The following ID3 variants were observed in gnomAD, a reference collection of about 807,000 sequenced individuals.
ID3 encodes the protein DNA-binding protein inhibitor ID-3.
Under a neutral mutation model 9.6 loss-of-function variants are expected in ID3, and 4 were observed. The observed-to-expected ratio is 0.42, with a 90% CI of 0.21 to 0.96. ID3 has a LOEUF of 0.96. Ranked by LOEUF, ID3 falls within the 40% of genes least tolerant of loss-of-function variation. The probability of loss-of-function intolerance (pLI) is 0.30; values close to 1 mark genes in which losing one functional copy is unlikely to be tolerated. For missense variants in ID3, 191 were observed against 164.5 expected (o/e 1.16, Z -0.88); for synonymous variants, 108 against 75.2 (o/e 1.44, Z -2.26).
At position 23,559,314 on chromosome 1, in the gene ID3, A is replaced by G. The variant is rs1169132742; in HGVS notation, c.113T>C (p.Leu38Pro). The G allele has an allele frequency of 6.2e-7, 1 of 1,613,812 alleles. No homozygotes were observed. Among genetic ancestry groups the G allele is most frequent in the East Asian group, 2.2e-5 (1 of 44,876 alleles). Residue 38 changes from leucine (L) to proline (P), a missense_variant, in exon 1 of 3, where the codon CTG becomes CCG. By Grantham distance (98) the Leu-to-Pro change is moderately conservative. Transcript: ENST00000374561. ...RGKGPAAEEP[L>P]SLLDDMNHCY... The stretch of plus-strand genomic sequence containing the variant: ...GTGGTTCATGTCGTCCAGCAAGCTC[A>G]GCGGCTCCTCAGCTGCCGGGCCCTT...
chr1:23,558,599 A>T (rs1643677842), intron 2 of ID3, 184 bp from the exon 3 acceptor site: 1 of 210,974 alleles, frequency 4.7e-6, no homozygotes, highest in African/African-American at 2.3e-5. Flanking sequence ...AGCTTGCGCT[A>T]CCCCTCCTAC....
intron 2 of ID3, 61 bp from the exon 3 acceptor site, chr1:23,558,476 G>C (rs1225853866): frequency 6.4e-6 from 1 of 155,198 alleles, no homozygotes; most frequent in Non-Finnish European, 1.4e-5. Context: ...TGCCGAGGCG[G>C]GGGCCGTCCG....
At position 23,558,016 on chromosome 1, in the gene ID3, C is replaced by A. The variant is rs779149325; in HGVS notation, c.*425G>T. The A allele has an allele frequency of 6.6e-6, 1 of 152,620 alleles. No individual in the cohort carries two copies. The highest frequency in any genetic ancestry group is 1.5e-5 in the Non-Finnish European group (1 of 68,036). 9.5% of individuals were successfully genotyped at this position (152,620 alleles called of 1,614,324 possible). On this transcript the variant is annotated 3_prime_UTR_variant, in exon 3 of 3. Transcript: ENST00000374561. ...TCGCATTGTTACAGAAAGTCACCTTCCTGTAAAAAAGGTACAAAACCTATA... is the reference window on the plus strand; with the variant it reads ...TCGCATTGTTACAGAAAGTCACCTTACTGTAAAAAAGGTACAAAACCTATA...
rs1643687097 is a variant in ID3, at chr1:23,559,184, C to G, written c.243G>C (p.Gln81His). Residue 81 changes from glutamine (Q) to histidine (H), a missense_variant, in exon 1 of 3, where the codon CAG becomes CAC. Coordinates refer to ENST00000374561, the MANE Select transcript of ID3 (RefSeq NM_002167.5). ...QRVIDYILDL[Q>H]VVLAEPAPGP... ...CAGGGGCTGGCTCGGCCAGGACTAC[C>G]TGCAGGTCGAGAATGTAGTCGATGA... 2.5e-6 allele frequency: 4 copies of G among 1,614,102 alleles called. No individual in the cohort carries two copies. The highest frequency in any genetic ancestry group is 1.3e-5 in the African/African-American group (1 of 74,940).
At chr1:23,558,464 CGT>C (rs1643675596) in intron 2 of ID3, 49 bp from the exon 3 acceptor site, 1 of 154,628 alleles carries the variant, frequency 6.5e-6, no homozygotes, top group African/African-American at 2.4e-5. Flanking sequence ...TTCCGCCGAG[CGT>C]GCCGAGGCGG....
At chr1:23,559,097 G>GT in intron 1 of ID3, 30 bp downstream of exon 1, 1 of 1,613,022 alleles carries the variant, frequency 6.2e-7, no homozygotes, top group Non-Finnish European at 8.5e-7. Flanking sequence ...TTGCCTGGGT[G>GT]TTCAGCCCTG....
chr1:23,558,657 T>A, intron 2 of ID3: 1 of 402,412 alleles, frequency 2.5e-6, no homozygotes, highest in Non-Finnish European at 4.6e-6. Flanking sequence ...CAGCTCCCTA[T>A]ACAACATGGA....
At position 23,557,956 on chromosome 1, in the gene ID3, C is replaced by T. The variant is rs1437538598; in HGVS notation, c.*485G>A. On this transcript the variant is annotated 3_prime_UTR_variant, in exon 3 of 3. Transcript: ENST00000374561. ...AAGTGTTTAAAAATCGTTTATTATG[C>T]AAAATGTTAACTTTTATAAAAAGTT... 6.6e-6 allele frequency: 1 copy of T among 152,544 alleles called. No homozygotes were observed. The highest frequency in any genetic ancestry group is 2.4e-5 in the African/African-American group (1 of 41,416). The allele number at this position is 152,544 out of a possible 1,614,324, so 9.4% of individuals were successfully genotyped here. A position where few individuals can be genotyped will look rare whatever the true frequency, so the allele number is the denominator to read the frequency against.
chr1:23,558,655 T>A (rs1570498325), intron 2 of ID3: 1 of 391,850 alleles, frequency 2.6e-6, no homozygotes, highest in East Asian at 4.9e-5. Context: ...GACAGCTCCC[T>A]ATACAACATG....
chr1:23,559,191 T>A lies in ID3; in HGVS notation c.236A>T (p.Asp79Val), dbSNP rs2124330066. The stretch of plus-strand genomic sequence containing the variant: ...TGGCTCGGCCAGGACTACCTGCAGG[T>A]CGAGAATGTAGTCGATGACGCGCTG... Reference protein sequence around the residue: ...ILQRVIDYILDLQVVLAEPAP... With the variant: ...ILQRVIDYILVLQVVLAEPAP... Residue 79 changes from aspartate to valine, a missense_variant, in exon 1 of 3, where the codon GAC becomes GTC. Coordinates refer to ENST00000374561, the MANE Select transcript of ID3 (RefSeq NM_002167.5). 6.2e-7 allele frequency: 1 copy of A among 1,614,078 alleles called. No homozygotes were observed. Among genetic ancestry groups the A allele is most frequent in the South Asian group, 1.1e-5 (1 of 91,080 alleles).
In ID3 at chr1:23,559,332, G is replaced by C. The variant is rs770447481; in HGVS notation, c.95C>G (p.Pro32Arg). 4 of 1,613,566 alleles carry C rather than the reference G, an allele frequency of 2.5e-6. No homozygotes were observed. The highest frequency in any genetic ancestry group is 4.5e-5 in the East Asian group (2 of 44,878). The change falls in exon 1 of 3, where the codon CCG (proline) becomes CGG (arginine). Residue 32 changes from proline (P) to arginine (R), a missense_variant. Transcript: ENST00000374561. The part of the protein sequence containing the change: ...LAIARGRGKG[P>R]AAEEPLSLLD... Reference sequence around the variant, plus strand: ...CAAGCTCAGCGGCTCCTCAGCTGCCGGGCCCTTCCCTCGGCCCCGGGCGAT... The same window carrying C: ...CAAGCTCAGCGGCTCCTCAGCTGCCCGGCCCTTCCCTCGGCCCCGGGCGAT...
rs201168120 is a variant in ID3 at position 23,559,150 on chromosome 1, C to G, written c.277G>C (p.Asp93His). 9 of 1,614,032 alleles carry G rather than the reference C, an allele frequency of 5.6e-6. No homozygotes were observed. The highest frequency in any genetic ancestry group is 2.2e-5 in the East Asian group (1 of 44,896). Residue 93 changes from aspartate (D) to histidine (H), a missense_variant, in exon 1 of 3, where the codon GAT becomes CAT. By Grantham distance (81) the Asp-to-His change is moderately conservative. Transcript: ENST00000374561. Reference sequence around the variant, plus strand: ...ACCTGGATGGGAAGGTGGGGGCCATCAGGGGGTCCAGGGGCTGGCTCGGCC... The same window carrying G: ...ACCTGGATGGGAAGGTGGGGGCCATGAGGGGGTCCAGGGGCTGGCTCGGCC... Reference protein sequence around the residue: ...VLAEPAPGPPDGPHLPIQTAE... With the variant: ...VLAEPAPGPPHGPHLPIQTAE...
rs752317409 is a variant in ID3 at position 23,558,957 on chromosome 1, G to A, written c.*3C>T. 5 of 1,613,366 alleles carry A rather than the reference G, an allele frequency of 3.1e-6. No individual in the cohort carries two copies. Among genetic ancestry groups the A allele is most frequent in the Middle Eastern group, 1.6e-4 (1 of 6,082 alleles). On this transcript the variant is annotated 3_prime_UTR_variant, in exon 2 of 3. Transcript: ENST00000374561. ...CACCTGGAGGTGTCAGGACACGGCCGAGTCAGTGGCAAAAGCTCCTTTTGT... is the reference window on the plus strand; with the variant it reads ...CACCTGGAGGTGTCAGGACACGGCCAAGTCAGTGGCAAAAGCTCCTTTTGT...
Position 23,559,486 on chromosome 1 carries a change from C to CT in ID3, c.-61_-60insA. ...AAGAAAACCAAAAGAAGTCCCGCTA[C>CT]AGTGACCTGCAACGCGCGCACGCTC... On this transcript the variant is annotated 5_prime_UTR_variant, in exon 1 of 3. Transcript: ENST00000374561. The CT allele has an allele frequency of 6.5e-7, 1 of 1,539,914 alleles. No individual in the cohort carries two copies. The highest frequency in any genetic ancestry group is 8.8e-7 in the Non-Finnish European group (1 of 1,141,438).
rs777214087 is a variant in ID3, at chr1:23,559,389, G to T, written c.38C>A (p.Ala13Glu). The change falls in exon 1 of 3, where the codon GCG becomes GAG. Residue 13 changes from alanine to glutamate, a missense_variant. Coordinates refer to ENST00000374561, the MANE Select transcript of ID3 (RefSeq NM_002167.5). Reference protein sequence around the residue: ...ALSPVRGCYEAVCCLSERSLA... With the variant: ...ALSPVRGCYEEVCCLSERSLA... ...ACTGCGTTCCGACAGGCAGCACACCGCCTCGTAGCAGCCGCGCACCGGGCT... is the reference window on the plus strand; with the variant it reads ...ACTGCGTTCCGACAGGCAGCACACCTCCTCGTAGCAGCCGCGCACCGGGCT... 1 of 1,612,694 alleles carries T rather than the reference G, an allele frequency of 6.2e-7. No homozygotes were observed. The highest frequency in any genetic ancestry group is 8.5e-7 in the Non-Finnish European group (1 of 1,179,710).
In ID3 at chr1:23,559,451, C is replaced by T. The variant is rs1411199206; in HGVS notation, c.-25G>A. The T allele has an allele frequency of 5.0e-6, 8 of 1,594,572 alleles. No individual in the cohort carries two copies. The highest frequency in any genetic ancestry group is 6.8e-6 in the Non-Finnish European group (8 of 1,169,478). Reference sequence around the variant, plus strand: ...TGCTGGGGAGTGAGTCCAGAGGTGCCCCAAAGAGAAAGAAAACCAAAAGAA... The same window carrying T: ...TGCTGGGGAGTGAGTCCAGAGGTGCTCCAAAGAGAAAGAAAACCAAAAGAA... On this transcript the variant is annotated 5_prime_UTR_variant, in exon 1 of 3. Transcript: ENST00000374561.
In ID3 at chr1:23,559,281, G is replaced by T. The variant is rs374890938; in HGVS notation, c.146C>A (p.Ser49Tyr). 4.3e-6 allele frequency: 7 copies of T among 1,613,980 alleles called. No individual in the cohort carries two copies. The highest frequency in any genetic ancestry group is 5.9e-6 in the Non-Finnish European group (7 of 1,180,036). ...SLLDDMNHCY[S>Y]RLRELVPGVP... ...TCCGGGTACCAGTTCCCGCAGGCGG[G>T]AGTAGCAGTGGTTCATGTCGTCCAG... Residue 49 changes from serine (S) to tyrosine (Y), a missense_variant, in exon 1 of 3, where the codon TCC becomes TAC. Coordinates refer to ENST00000374561, the MANE Select transcript of ID3 (RefSeq NM_002167.5).
At chr1:23,558,896 G>A in intron 2 of ID3, 39 bp downstream of exon 2, 3 of 1,413,632 alleles carry the variant, frequency 2.1e-6, no homozygotes, top group Non-Finnish European at 3.0e-6. Flanking sequence ...TCCAGGACTT[G>A]CCGTTTAAAC....
chr1:23,558,932 C>T lies in ID3; in HGVS notation c.*25+3G>A. On this transcript the variant is annotated splice_donor_region_variant and intron_variant, in intron 2 of 2. Transcript: ENST00000374561. ...CTCCCTCTCCAAGAGAGGAGATACT[C>T]ACCTGGAGGTGTCAGGACACGGCCG... 6.2e-7 allele frequency: 1 copy of T among 1,603,248 alleles called. No individual in the cohort carries two copies. The highest frequency in any genetic ancestry group is 8.5e-7 in the Non-Finnish European group (1 of 1,170,978).
Sources: gnomAD v4.1 joint callset for allele counts on GRCh38, gnomAD v4.1.1 for gene constraint, MANE v1.5 for transcripts, NCBI Gene and HGNC (gene_info 2026-07-23, HGNC 2026-07-21) for gene names.